SPEN: variants seen among roughly 807,000 people sequenced by gnomAD.
SPEN encodes msx2-interacting protein.
In SPEN, 18 loss-of-function variants were observed where a neutral mutation model predicts 269.9. The ratio of observed to expected loss-of-function variants is 0.07; its 90% confidence interval spans 0.05 to 0.10. The LOEUF (loss-of-function observed/expected upper bound fraction) is 0.10. SPEN is among the 10% of genes least tolerant of loss of function. The probability of loss-of-function intolerance (pLI) is 1.00; values close to 1 mark genes in which losing one functional copy is unlikely to be tolerated. For synonymous variants in SPEN, 1,726 were observed against 1,765.7 expected (o/e 0.98, Z 0.56); for missense variants, 3,822 against 4,631.2 (o/e 0.83, Z 5.07).
At chr1:15,910,968 T>G in intron 4 of SPEN, 133 bp from the exon 5 acceptor site, 1 of 702,250 alleles carries the variant, frequency 1.4e-6, no homozygotes, top group Non-Finnish European at 2.4e-6. Flanking sequence ...TCAGACCTTG[T>G]TATGACATTA....
rs907179074 is a variant in SPEN at position 15,873,084 on chromosome 1, C to T, written c.352C>T (p.Pro118Ser). The T allele has an allele frequency of 6.2e-7, 1 of 1,613,842 alleles. No homozygotes were observed. Among genetic ancestry groups the T allele is most frequent in the Non-Finnish European group, 8.5e-7 (1 of 1,179,998 alleles). The change falls in exon 2 of 15, where the codon CCC becomes TCC. Residue 118 changes from proline to serine, a missense_variant. This residue lies in a region of SPEN where 327 missense variants were observed against 350.8 expected (regional missense o/e 0.93). Coordinates refer to ENST00000375759, the MANE Select transcript of SPEN (RefSeq NM_015001.3). ...AGGTGGTGGAGGGCCTGCTTATGGT[C>T]CCCCACCGTCACTTCATGCACGAGA... Reference protein sequence around the residue: ...RGGGGGPAYGPPPSLHAREGR... With the variant: ...RGGGGGPAYGSPPSLHAREGR...
chr1:15,854,096 C>T (rs548056000), intron 1 of SPEN, among the ~76,000 whole-genome samples: 15 of 152,234 alleles, frequency 9.9e-5, no homozygotes, highest in African/African-American at 2.4e-4. Context: ...CCACCATGCC[C>T]GGCCTGCTTG....
At position 15,847,919 on chromosome 1, in the gene SPEN, G is replaced by A. The variant is rs1209381425; in HGVS notation, c.-149G>A. 1 of 336,326 alleles carries A rather than the reference G, an allele frequency of 3.0e-6. No individual in the cohort carries two copies. Among genetic ancestry groups the A allele is most frequent in the Non-Finnish European group, 5.4e-6 (1 of 186,060 alleles). 20.8% of individuals were successfully genotyped at this position (336,326 alleles called of 1,614,324 possible). On this transcript the variant is annotated 5_prime_UTR_variant, in exon 1 of 15. Transcript: ENST00000375759. ...GGGGAGAGGGATGGTCTCTGCACGG[G>A]GGGGAGCCGGAGGAGCCGCCGCCGC...
chr1:15,938,912 C>T, intron 14 of SPEN, 36 bp downstream of exon 14: 1 of 1,602,788 alleles, frequency 6.2e-7, no homozygotes, highest in Non-Finnish European at 8.5e-7. Flanking sequence ...ACATGTACAC[C>T]CACAGGTGGG....
Position 15,939,225 on chromosome 1 carries a change from G to C in SPEN, c.10864-71G>C, listed in dbSNP as rs978847090. 2.1e-5 allele frequency: 31 copies of C among 1,488,842 alleles called. No homozygotes were observed. The highest frequency in any genetic ancestry group is 2.8e-5 in the Non-Finnish European group (31 of 1,116,598). 92.2% of individuals were successfully genotyped at this position (1,488,842 alleles called of 1,614,324 possible). ...GCTCTTAGCATTGGGCCTCTTCAGG[G>C]CTCCCCAATGGAAGTGGAGTTGTGG... On this transcript the variant is annotated intron_variant, in intron 14 of 14. Coordinates refer to ENST00000375759, the MANE Select transcript of SPEN (RefSeq NM_015001.3). This position sits in a 1 kb window ranked among gnomAD's most constrained non-coding sequence, Gnocchi z 4.1.
At position 15,934,818 on chromosome 1, in the gene SPEN, T is replaced by A. The variant is rs750192197; in HGVS notation, c.8578T>A (p.Ser2860Thr). The change falls in exon 11 of 15, where the codon TCT (serine) becomes ACT (threonine). Residue 2860 changes from serine (S) to threonine (T), a missense_variant. Ser to Thr is a moderately conservative substitution (Grantham distance 58). Transcript: ENST00000375759. This position sits in a 1 kb window ranked among gnomAD's most constrained non-coding sequence, Gnocchi z 9.2. ...SVSKSQVKPDSVTASQPPSKG... is the reference protein window; with the variant it reads ...SVSKSQVKPDTVTASQPPSKG... ...GTCCAAGTCCCAGGTCAAACCTGAT[T>A]CTGTCACAGCATCGCAGCCTCCATC... The A allele has an allele frequency of 6.2e-7, 1 of 1,614,172 alleles. No individual in the cohort carries two copies. The highest frequency in any genetic ancestry group is 8.5e-7 in the Non-Finnish European group (1 of 1,180,020).
chr1:15,921,204 C>T (rs536588798), intron 9 of SPEN, among the ~76,000 whole-genome samples: 13 of 152,298 alleles, frequency 8.5e-5, no homozygotes, highest in Middle Eastern at 3.4e-3. Flanking sequence ...TGGCGCGTGC[C>T]TGTTAATCCC....
At chr1:15,866,455 G>A (rs531621610) in intron 1 of SPEN, among the ~76,000 whole-genome samples, 1 of 152,212 alleles carries the variant, frequency 6.6e-6, no homozygotes, top group African/African-American at 2.4e-5. Flanking sequence ...CCGGGTTCAC[G>A]CCATTCTCCT....
At chr1:15,886,158 T>C (rs2070734523) in intron 3 of SPEN, among the ~76,000 whole-genome samples, 2 of 152,352 alleles carry the variant, frequency 1.3e-5, no homozygotes, top group South Asian at 4.1e-4. Context: ...TGTTGTCAGC[T>C]GCAGGGTCTT....
At chr1:15,889,843 A>C (rs1040035194) in intron 3 of SPEN, among the ~76,000 whole-genome samples, 3 of 152,016 alleles carry the variant, frequency 2.0e-5, no homozygotes, top group African/African-American at 7.2e-5. Flanking sequence ...TTTCCCAAGT[A>C]GCTGGGATTA....
At chr1:15,895,238 T>G (rs72649634) in intron 3 of SPEN, among the ~76,000 whole-genome samples, 5,844 of 152,276 alleles carry the variant, frequency 0.038, 169 homozygotes, top group Non-Finnish European at 0.059. Flanking sequence ...TTAACCATTT[T>G]TAAGTGTATA....
rs371456542 is a variant in SPEN at position 15,930,166 on chromosome 1, T to C, written c.3926T>C (p.Phe1309Ser). The C allele has an allele frequency of 1.2e-6, 2 of 1,614,054 alleles. No homozygotes were observed. Among genetic ancestry groups the C allele is most frequent in the African/African-American group, 2.7e-5 (2 of 74,910 alleles). The change falls in exon 11 of 15, where the codon TTT becomes TCT. Residue 1309 changes from phenylalanine to serine, a missense_variant. By Grantham distance (155) the Phe-to-Ser change is radical. This residue lies in a region of SPEN where 267 missense variants were observed against 315.5 expected (regional missense o/e 0.85). Coordinates refer to ENST00000375759, the MANE Select transcript of SPEN (RefSeq NM_015001.3). The surrounding 1 kb of genome is among the most constrained non-coding windows in gnomAD (Gnocchi z 5.3). ...NITVREESLK[F>S]NPYDSSRREQ... ...ACAGTCAGGGAAGAGTCTTTAAAAT[T>C]TAATCCTTATGATTCTAGCAGGAGA...
intron 3 of SPEN, among the ~76,000 whole-genome samples, chr1:15,901,063 G>T (rs2070894039): frequency 6.6e-6 from 1 of 151,966 alleles, no homozygotes; most frequent in Non-Finnish European, 1.5e-5. Context: ...AAAAAATAGA[G>T]GCTTGAGTCA....
intron 3 of SPEN, among the ~76,000 whole-genome samples, chr1:15,898,522 A>ATG (rs1424099339): frequency 6.7e-6 from 1 of 148,338 alleles, no homozygotes; most frequent in Non-Finnish European, 1.5e-5. Flanking sequence ...TTCATTCATG[A>ATG]TGTAGCATTT....
chr1:15,907,462 C>T (rs1213380433), intron 3 of SPEN, among the ~76,000 whole-genome samples: 1 of 151,980 alleles, frequency 6.6e-6, no homozygotes. Flanking sequence ...GACAACAGAG[C>T]GAGACTGTGT....
chr1:15,875,227 A>G (rs1156732912), intron 2 of SPEN, among the ~76,000 whole-genome samples: 4 of 152,118 alleles, frequency 2.6e-5, no homozygotes, highest in Non-Finnish European at 4.4e-5. Flanking sequence ...CGTACATGCA[A>G]CGTGTTTTGT....
In SPEN at chr1:15,935,335, G is replaced by A; in HGVS notation, c.9095G>A (p.Gly3032Glu). Residue 3032 changes from glycine to glutamate, a missense_variant, in exon 11 of 15, where the codon GGG (glycine) becomes GAG (glutamate). By Grantham distance (98) the Gly-to-Glu change is moderately conservative. Transcript: ENST00000375759. The surrounding 1 kb of genome is among the most constrained non-coding windows in gnomAD (Gnocchi z 7.7). ...DAHSPRPSGP[G>E]PSSFPRASHP... ...CATTCTCCTCGACCAAGTGGACCCGGGCCATCCTCATTCCCAAGGGCAAGC... is the reference window on the plus strand; with the variant it reads ...CATTCTCCTCGACCAAGTGGACCCGAGCCATCCTCATTCCCAAGGGCAAGC... 1 of 1,613,982 alleles carries A rather than the reference G, an allele frequency of 6.2e-7. No individual in the cohort carries two copies. The highest frequency in any genetic ancestry group is 1.3e-5 in the African/African-American group (1 of 74,958).
At chr1:15,936,474 C>T (rs984735325) in intron 11 of SPEN, among the ~76,000 whole-genome samples, 3 of 150,430 alleles carry the variant, frequency 2.0e-5, no homozygotes, top group Non-Finnish European at 4.4e-5. Flanking sequence ...AACCCCATCT[C>T]GTACAAAAAA....
At chr1:15,873,512 T>C (rs1049593529) in intron 2 of SPEN, 103 of 1,001,286 alleles carry the variant, frequency 1.0e-4, no homozygotes, top group Non-Finnish European at 1.2e-4. Flanking sequence ...CTATATGGAA[T>C]ATTTCTGGAA....
Sources: allele counts gnomAD v4.1 joint callset (sites outside exome capture counted in the v4.1 genomes callset), GRCh38; gene constraint gnomAD v4.1.1; regional missense constraint gnomAD v4.1.1; non-coding constraint Gnocchi (gnomAD v3.1); transcripts MANE v1.5; gene names NCBI Gene and HGNC (gene_info 2026-07-23, HGNC 2026-07-21).